PTPN12: variants seen among roughly 807,000 people sequenced by gnomAD.
PTPN12 encodes the protein protein tyrosine phosphatase non-receptor type 12.
Under a neutral mutation model 97.6 loss-of-function variants are expected in PTPN12, and 29 were observed. That is an observed-to-expected ratio of 0.30 (90% CI 0.22 to 0.41). The LOEUF (loss-of-function observed/expected upper bound fraction) is 0.41. Among genes scored for constraint, PTPN12 ranks in the 10% least tolerant of loss-of-function variants. The pLI, the probability that PTPN12 is intolerant of heterozygous loss-of-function variation, is 1.00. For synonymous variants in PTPN12, 327 were observed against 300.4 expected, an observed-to-expected ratio of 1.09 and a Z score of -0.91; for missense variants, 819 against 926.0, an observed-to-expected ratio of 0.88 and a Z score of 1.50.
chr7:77,602,616 C>CT (rs1468366096), intron 8 of PTPN12, among the ~76,000 whole-genome samples: 173 of 147,840 alleles, frequency 1.2e-3, no homozygotes, highest in African/African-American at 3.4e-3. Flanking sequence ...TAGACCCTAT[C>CT]TTTTAAAAAA....
intron 11 of PTPN12, 129 bp from the exon 12 acceptor site, chr7:77,618,350 CT>C (rs921452218): frequency 0.067 from 29,658 of 444,326 alleles, no homozygotes; most frequent in South Asian, 0.083. Flanking sequence ...GAATATAAGA[CT>C]TTTTTTTTTT....
chr7:77,573,087 A>C (rs1787205199), intron 2 of PTPN12, among the ~76,000 whole-genome samples: 1 of 106,644 alleles, frequency 9.4e-6, no homozygotes, highest in Non-Finnish European at 1.7e-5. Flanking sequence ...TATCTCAAAA[A>C]AAAAAAAAAC....
At chr7:77,629,906 A>T (rs1270106974) in intron 13 of PTPN12, among the ~76,000 whole-genome samples, 2 of 148,226 alleles carry the variant, frequency 1.3e-5, no homozygotes, top group Admixed American at 6.9e-5. Context: ...GCGTCCCGGC[A>T]CTCTGCCTGG....
chr7:77,638,799 C>T (rs1789698865), intron 17 of PTPN12, 68 bp downstream of exon 17: 5 of 1,506,460 alleles, frequency 3.3e-6, no homozygotes, highest in Middle Eastern at 1.9e-4. Flanking sequence ...AGCTCATTTG[C>T]CATTGTGAAA....
At chr7:77,587,601 G>A (rs1420812422) in intron 5 of PTPN12, among the ~76,000 whole-genome samples, 1 of 152,186 alleles carries the variant, frequency 6.6e-6, no homozygotes, top group Non-Finnish European at 1.5e-5. Context: ...ATGAGCATTG[G>A]CTTCAACTTA....
chr7:77,550,852 A>C (rs1807447056), intron 1 of PTPN12, among the ~76,000 whole-genome samples: 1 of 152,144 alleles, frequency 6.6e-6, no homozygotes, highest in African/African-American at 2.4e-5. Context: ...TAATGCCTTG[A>C]GCATCCCCAG....
intron 4 of PTPN12, 129 bp downstream of exon 4, chr7:77,583,779 C>A: frequency 1.8e-6 from 1 of 552,240 alleles, no homozygotes; most frequent in Non-Finnish European, 3.0e-6. Context: ...CTGATGTTTA[C>A]TAAAAAGATG....
intron 1 of PTPN12, among the ~76,000 whole-genome samples, chr7:77,554,345 C>T (rs2151302897): frequency 6.6e-6 from 1 of 152,264 alleles, no homozygotes; most frequent in East Asian, 1.9e-4. Context: ...TTTCAGGTAA[C>T]ACTGTACCAC....
At chr7:77,585,438 A>G (rs947313431) in intron 4 of PTPN12, 105 bp from the exon 5 acceptor site, 25 of 957,624 alleles carry the variant, frequency 2.6e-5, no homozygotes, top group Non-Finnish European at 3.7e-5. Context: ...AGGCAAGCCA[A>G]TTATACTTCT....
intron 2 of PTPN12, among the ~76,000 whole-genome samples, chr7:77,573,113 A>G (rs1486979092): frequency 1.4e-5 from 2 of 147,274 alleles, no homozygotes; most frequent in Non-Finnish European, 3.0e-5. Context: ...AACAAAAAAA[A>G]CCAGTGTACC....
chr7:77,632,552 G>A, intron 14 of PTPN12, 127 bp downstream of exon 14: 1 of 696,306 alleles, frequency 1.4e-6, no homozygotes. Flanking sequence ...AATTGATGTT[G>A]ACATGCTTTT....
chr7:77,593,040 G>A (rs1220402618), intron 6 of PTPN12, among the ~76,000 whole-genome samples: 4 of 152,110 alleles, frequency 2.6e-5, no homozygotes, highest in East Asian at 1.9e-4. Context: ...AGGCCAAGGC[G>A]AGTGGATCAC....
At chr7:77,636,917 G>A in intron 15 of PTPN12, 101 bp from the exon 16 acceptor site, 1 of 780,276 alleles carries the variant, frequency 1.3e-6, no homozygotes, top group Non-Finnish European at 2.0e-6. Context: ...AAAATGATAG[G>A]CCTTGATTTC....
In PTPN12 at chr7:77,626,686, T is replaced by A; in HGVS notation, c.1026-19T>A. ...GTTTAACAGTCTTAAAATGCCCTTT[T>A]TAAATGTTTGTTTTTCAGTTGCCTT... On this transcript the variant is annotated intron_variant, in intron 12 of 17. Coordinates refer to ENST00000248594, the MANE Select transcript of PTPN12 (RefSeq NM_002835.4). 1.3e-6 allele frequency: 2 copies of A among 1,574,144 alleles called. No individual in the cohort carries two copies. The highest frequency in any genetic ancestry group is 1.7e-6 in the Non-Finnish European group (2 of 1,160,672).
At chr7:77,539,609 TTTGGTTGG>T (rs375902180) in intron 1 of PTPN12, among the ~76,000 whole-genome samples, 12 of 152,134 alleles carry the variant, frequency 7.9e-5, no homozygotes, top group East Asian at 5.8e-4. Flanking sequence ...GGTTTTGTTG[TTTGGTTGG>T]TTGGTTGGTT....
chr7:77,571,312 A>G, intron 2 of PTPN12, 126 bp downstream of exon 2: 1 of 606,172 alleles, frequency 1.6e-6, no homozygotes, highest in Non-Finnish European at 2.8e-6. Flanking sequence ...TTCAAAGTAC[A>G]TGGAAAGATA....
At chr7:77,599,992 T>C (rs920668771) in intron 7 of PTPN12, among the ~76,000 whole-genome samples, 5 of 152,196 alleles carry the variant, frequency 3.3e-5, no homozygotes, top group African/African-American at 1.2e-4. Flanking sequence ...AAAACATGAA[T>C]ACATAAGCAT....
chr7:77,557,607 A>C (rs1406987452), intron 1 of PTPN12, among the ~76,000 whole-genome samples: 2 of 152,212 alleles, frequency 1.3e-5, no homozygotes, highest in African/African-American at 4.8e-5. Context: ...CTGTGGCATT[A>C]GATACATTCA....
chr7:77,605,341 T>C (rs1339861947), intron 8 of PTPN12, among the ~76,000 whole-genome samples: 1 of 151,528 alleles, frequency 6.6e-6, no homozygotes, highest in Non-Finnish European at 1.5e-5. Flanking sequence ...CATAGTGATT[T>C]TCAATTCTAA....
Sources: allele counts gnomAD v4.1 joint callset (sites outside exome capture counted in the v4.1 genomes callset), GRCh38; gene constraint gnomAD v4.1.1; transcripts MANE v1.5; gene names NCBI Gene and HGNC (gene_info 2026-07-23, HGNC 2026-07-21).